The following UGT1A10 variants were observed in gnomAD, a reference collection of about 807,000 sequenced individuals.
UGT1A10 encodes UDP glucuronosyltransferase family 1 member A10, also known as UDP-glucuronosyltransferase 1A10.
In UGT1A10, 49 loss-of-function variants were observed where a neutral mutation model predicts 45.8. That is an observed-to-expected ratio of 1.07 (90% CI 0.85 to 1.36). The LOEUF is 1.36. UGT1A10 is among the 40% of genes most tolerant of loss of function. UGT1A10 has a pLI of 0.00. For missense variants in UGT1A10, 745 were observed against 668.6 expected, an observed-to-expected ratio of 1.11 and a Z score of -1.26; for synonymous variants, 284 against 249.7, an observed-to-expected ratio of 1.14 and a Z score of -1.29.
Position 233,772,728 on chromosome 2 carries a change from C to T in UGT1A10, c.*169C>T, listed in dbSNP as rs1029569602. 2.4e-5 allele frequency: 35 copies of T among 1,446,106 alleles called. No homozygotes were observed. The highest frequency in any genetic ancestry group is 8.7e-5 in the South Asian group (6 of 68,994). The allele number at this position is 1,446,106 out of a possible 1,614,324, so 89.6% of individuals were successfully genotyped here. A position where few individuals can be genotyped will look rare whatever the true frequency, so the allele number is the denominator to read the frequency against. ...TTCTCTTAAATAAAAATAATAGACT[C>T]GCTAGTCAGTAAAGATATTTGAATA... On this transcript the variant is annotated 3_prime_UTR_variant, in exon 5 of 5. Coordinates refer to ENST00000344644, the MANE Select transcript of UGT1A10 (RefSeq NM_019075.4).
intron 1 of UGT1A10, among the ~76,000 whole-genome samples, chr2:233,696,870 C>T (rs899291677): frequency 5.3e-5 from 8 of 152,160 alleles, no homozygotes; most frequent in Non-Finnish European, 8.8e-5. Context: ...TTTTCAGCAT[C>T]TACAACATAT....
At chr2:233,677,182 C>T (rs1451476805) in intron 1 of UGT1A10, among the ~76,000 whole-genome samples, 1 of 152,104 alleles carries the variant, frequency 6.6e-6, no homozygotes, top group East Asian at 1.9e-4. Context: ...ATTAACATAT[C>T]TTTTTATTTA....
intron 1 of UGT1A10, chr2:233,718,918 T>C (rs778450561): frequency 2.5e-6 from 4 of 1,614,094 alleles, no homozygotes; most frequent in Non-Finnish European, 3.4e-6. Context: ...AAGGTGTTGG[T>C]GGTGCCCACT....
chr2:233,757,543 T>C (rs1575752289), intron 1 of UGT1A10, among the ~76,000 whole-genome samples: 1 of 117,334 alleles, frequency 8.5e-6, no homozygotes, highest in African/African-American at 3.6e-5. Context: ...GGAATATATA[T>C]ATATATATAT....
At chr2:233,760,783 C>T in intron 1 of UGT1A10, 1 of 1,613,870 alleles carries the variant, frequency 6.2e-7, no homozygotes, top group Non-Finnish European at 8.5e-7. Flanking sequence ...GTACCTGTCT[C>T]TGCCCACTGT....
chr2:233,709,142 T>C (rs1251682483), intron 1 of UGT1A10, among the ~76,000 whole-genome samples: 1 of 152,118 alleles, frequency 6.6e-6, no homozygotes, highest in Non-Finnish European at 1.5e-5. Context: ...GGATGAGACG[T>C]GCTGATTGGT....
At chr2:233,669,042 A>G (rs2125497886) in intron 1 of UGT1A10, among the ~76,000 whole-genome samples, 1 of 152,332 alleles carries the variant, frequency 6.6e-6, no homozygotes, top group East Asian at 1.9e-4. Flanking sequence ...GGAAGACCAC[A>G]AGGTAATGTG....
rs764425310 is a variant in UGT1A10, at chr2:233,637,242, G to A, written c.720G>A (p.Thr240=). The A allele has an allele frequency of 3.5e-5, 56 of 1,613,704 alleles. No individual in the cohort carries two copies. The highest frequency in any genetic ancestry group is 1.6e-4 in the Middle Eastern group (1 of 6,078). The change falls in exon 1 of 5, where the codon ACG becomes ACA. Residue 240 remains threonine (T), a synonymous_variant. Transcript: ENST00000344644. Reference sequence around the variant, plus strand: ...CTGAAATTCTCCAAACCCCTGTCACGGCATATGATCTCTACAGTCACACAT... The same window carrying A: ...CTGAAATTCTCCAAACCCCTGTCACAGCATATGATCTCTACAGTCACACAT... ...IASEILQTPV[T]AYDLYSHTSI...
At chr2:233,772,179 CT>C in intron 4 of UGT1A10, 82 bp from the exon 5 acceptor site, 1 of 1,585,310 alleles carries the variant, frequency 6.3e-7, no homozygotes, top group Non-Finnish European at 8.6e-7. Flanking sequence ...ATCTGGTAGT[CT>C]TCTTAAGCAG....
intron 1 of UGT1A10, chr2:233,755,273 G>GGA: frequency 1.3e-6 from 1 of 755,874 alleles, no homozygotes. Flanking sequence ...CCACTATGCT[G>GGA]GACTGCCAAA....
intron 1 of UGT1A10, chr2:233,693,455 C>G (rs773557629): frequency 6.2e-7 from 1 of 1,614,054 alleles, no homozygotes; most frequent in Non-Finnish European, 8.5e-7. Context: ...TTTCACAGAC[C>G]CAGCCTTACC....
intron 1 of UGT1A10, chr2:233,719,070 T>A (rs144655870): frequency 6.2e-7 from 1 of 1,614,284 alleles, no homozygotes; most frequent in East Asian, 2.2e-5. Context: ...TGCTGTTCCA[T>A]GGACCCAGAA....
At chr2:233,748,812 T>C (rs1268165995) in intron 1 of UGT1A10, among the ~76,000 whole-genome samples, 2 of 151,274 alleles carry the variant, frequency 1.3e-5, no homozygotes. Context: ...CAAGAAATTG[T>C]GGAAGGGTCT....
At chr2:233,711,053 C>T (rs990834283) in intron 1 of UGT1A10, among the ~76,000 whole-genome samples, 3 of 152,170 alleles carry the variant, frequency 2.0e-5, no homozygotes, top group Admixed American at 6.5e-5. Flanking sequence ...ACACCCATGG[C>T]TTCAATCACC....
chr2:233,772,537 C>T lies in UGT1A10; in HGVS notation c.1571C>T (p.Ala524Val). 1 of 1,614,090 alleles carries T rather than the reference C, an allele frequency of 6.2e-7. No individual in the cohort carries two copies. Among genetic ancestry groups the T allele is most frequent in the South Asian group, 1.1e-5 (1 of 91,078 alleles). ...GGGAAAAAAGGGCGAGTTAAGAAAG[C>T]CCACAAATCCAAGACCCATTGAGAA... ...CLGKKGRVKK[A>V]HKSKTH Residue 524 changes from alanine to valine, a missense_variant, in exon 5 of 5, where the codon GCC becomes GTC. Ala to Val is a moderately conservative substitution (Grantham distance 64, BLOSUM62 0). Transcript: ENST00000344644.
At chr2:233,698,827 G>T (rs2125576939) in intron 1 of UGT1A10, among the ~76,000 whole-genome samples, 1 of 152,348 alleles carries the variant, frequency 6.6e-6, no homozygotes, top group African/African-American at 2.4e-5. Flanking sequence ...GAAGAGTAAG[G>T]CAGGATCACT....
intron 1 of UGT1A10, among the ~76,000 whole-genome samples, chr2:233,639,188 T>G (rs920633175): frequency 2.0e-5 from 3 of 152,256 alleles, no homozygotes; most frequent in African/African-American, 7.2e-5. Flanking sequence ...TCATTTATTT[T>G]GATTGTAAAT....
chr2:233,747,488 T>C lies in UGT1A10; in HGVS notation c.856-19546T>C. 5.0e-6 allele frequency: 8 copies of C among 1,608,972 alleles called. No homozygotes were observed. In the South Asian group the frequency reaches 8.8e-5, roughly 18 times the overall value. On this transcript the variant is annotated intron_variant, in intron 1 of 4. Coordinates refer to ENST00000344644, the MANE Select transcript of UGT1A10 (RefSeq NM_019075.4). Reference sequence around the variant, plus strand: ...GGACCCAGGATGAATTTGATCGCCTTGTGCTGGGCCACACTCAACTGTACT... The same window carrying C: ...GGACCCAGGATGAATTTGATCGCCTCGTGCTGGGCCACACTCAACTGTACT...
chr2:233,734,820 G>A (rs1460443143), intron 1 of UGT1A10, among the ~76,000 whole-genome samples: 12 of 152,202 alleles, frequency 7.9e-5, no homozygotes, highest in Non-Finnish European at 1.3e-4. Context: ...GTAGTTGTGC[G>A]ATTTTGAGTG....
Sources: allele counts gnomAD v4.1 joint callset (sites outside exome capture counted in the v4.1 genomes callset), GRCh38; gene constraint gnomAD v4.1.1; transcripts MANE v1.5; gene names NCBI Gene and HGNC (gene_info 2026-07-23, HGNC 2026-07-21).